The following CCSER1 variants were observed in gnomAD, a reference collection of about 807,000 sequenced individuals.
The protein encoded by CCSER1 is serine-rich coiled-coil domain-containing protein 1.
In CCSER1, 41 loss-of-function variants were observed where a neutral mutation model predicts 82.0. The observed-to-expected ratio is 0.50, with a 90% CI of 0.39 to 0.65. The LOEUF (loss-of-function observed/expected upper bound fraction) is 0.65, where lower values mean the gene tolerates loss of function less well. CCSER1 is among the 30% of genes least tolerant of loss of function. The pLI is 0.00. For synonymous variants in CCSER1, 414 were observed against 383.9 expected, an observed-to-expected ratio of 1.08 and a Z score of -0.92; for missense variants, 1,119 against 1,064.2, an observed-to-expected ratio of 1.05 and a Z score of -0.72.
At chr4:90,795,024 T>TCA (rs1755794817) in intron 7 of CCSER1, among the ~76,000 whole-genome samples, 1 of 152,064 alleles carries the variant, frequency 6.6e-6, no homozygotes, top group East Asian at 1.9e-4. Flanking sequence ...GTGCGGTGGC[T>TCA]CACACCTGTA....
chr4:91,259,051 A>G (rs182084793), intron 10 of CCSER1, among the ~76,000 whole-genome samples: 2 of 152,288 alleles, frequency 1.3e-5, no homozygotes, highest in African/African-American at 4.8e-5. Flanking sequence ...TGTACACTGT[A>G]GGAAAGAGAT....
chr4:91,166,510 G>T (rs554497212), intron 10 of CCSER1, among the ~76,000 whole-genome samples: 2 of 152,114 alleles, frequency 1.3e-5, no homozygotes, highest in Non-Finnish European at 2.9e-5. Context: ...TAATGACACC[G>T]TCTAAGCATC....
At chr4:90,729,684 G>A (rs1428628151) in intron 7 of CCSER1, among the ~76,000 whole-genome samples, 1 of 151,992 alleles carries the variant, frequency 6.6e-6, no homozygotes, top group Non-Finnish European at 1.5e-5. Context: ...GACCATTCTG[G>A]CTAACAGGGT....
chr4:91,347,664 T>G (rs1019781449), intron 10 of CCSER1, among the ~76,000 whole-genome samples: 1 of 152,170 alleles, frequency 6.6e-6, no homozygotes, highest in South Asian at 2.1e-4. Flanking sequence ...TATTGTAGTT[T>G]TTCTCATACA....
At chr4:90,742,375 C>T (rs75217696) in intron 7 of CCSER1, among the ~76,000 whole-genome samples, 8,109 of 152,204 alleles carry the variant, frequency 0.053, 284 homozygotes, top group Non-Finnish European at 0.082. Flanking sequence ...TCTGAAAATT[C>T]ACCTTGAGAT....
intron 10 of CCSER1, among the ~76,000 whole-genome samples, chr4:91,233,954 A>G (rs752689784): frequency 2.0e-5 from 3 of 151,964 alleles, no homozygotes; most frequent in Non-Finnish European, 2.9e-5. Flanking sequence ...TGGGTTTATC[A>G]TTTACTTCTG....
At chr4:91,065,526 G>A (rs1354918295) in intron 9 of CCSER1, among the ~76,000 whole-genome samples, 1 of 152,036 alleles carries the variant, frequency 6.6e-6, no homozygotes, top group African/African-American at 2.4e-5. Context: ...AATCCCATTG[G>A]ATATTAAGCA....
intron 5 of CCSER1, among the ~76,000 whole-genome samples, chr4:90,500,949 A>G (rs1474123011): frequency 6.6e-6 from 1 of 152,062 alleles, no homozygotes; most frequent in Non-Finnish European, 1.5e-5. Flanking sequence ...AAACAAACAA[A>G]AAATAAGATT....
At chr4:90,357,262 T>C (rs1475271490) in intron 3 of CCSER1, among the ~76,000 whole-genome samples, 1 of 151,934 alleles carries the variant, frequency 6.6e-6, no homozygotes, top group South Asian at 2.1e-4. Context: ...AGGCCACTTA[T>C]CAAAGGAACT....
chr4:90,469,524 A>ACAC lies in CCSER1; in HGVS notation c.1724+1170_1724+1171insCAC, dbSNP rs1764070832. 2.7e-3 allele frequency among the ~76,000 whole-genome samples: 362 copies of ACAC among 136,426 alleles called. 1 individual carries two copies. Among genetic ancestry groups the ACAC allele is most frequent in the African/African-American group, 9.5e-3 (348 of 36,694 alleles). 89.5% of individuals were successfully genotyped at this position (136,426 alleles called of 152,430 possible). ...AAAGCTCAAATGTGTTTTCCTGCAA[A>ACAC]ACACACACACACACACACACACACA... is the stretch of plus-strand genomic sequence containing the variant. On this transcript the variant is annotated intron_variant, in intron 5 of 10. Transcript: ENST00000509176.
intron 5 of CCSER1, among the ~76,000 whole-genome samples, chr4:90,558,174 G>C (rs1348655074): frequency 1.3e-5 from 2 of 152,146 alleles, no homozygotes; most frequent in African/African-American, 4.8e-5. Flanking sequence ...CAGCAATTCA[G>C]AGTAGTTGCT....
At chr4:90,657,891 G>C (rs1365911176) in intron 6 of CCSER1, among the ~76,000 whole-genome samples, 2 of 152,132 alleles carry the variant, frequency 1.3e-5, no homozygotes, top group Non-Finnish European at 2.9e-5. Context: ...ATTGCTTGAG[G>C]CCAGAAGTTC....
intron 1 of CCSER1, among the ~76,000 whole-genome samples, chr4:90,290,682 T>TC (rs1730766953): frequency 6.6e-6 from 1 of 151,986 alleles, no homozygotes; most frequent in Non-Finnish European, 1.5e-5. Context: ...TGCATTTTTT[T>TC]CCCTTGTGGA....
chr4:90,393,141 T>C (rs546217182), intron 3 of CCSER1, among the ~76,000 whole-genome samples: 5 of 152,210 alleles, frequency 3.3e-5, no homozygotes, highest in Non-Finnish European at 1.5e-5. Flanking sequence ...TTTTGCAATT[T>C]ATAATTTATC....
chr4:91,528,434 T>C (rs566756061), intron 10 of CCSER1, among the ~76,000 whole-genome samples: 3 of 152,264 alleles, frequency 2.0e-5, no homozygotes, highest in Admixed American at 6.5e-5. Context: ...AAACAGCATG[T>C]TATTTAAAAA....
At chr4:91,256,487 C>G (rs112207592) in intron 10 of CCSER1, among the ~76,000 whole-genome samples, 2,814 of 152,232 alleles carry the variant, frequency 0.018, 88 homozygotes, top group African/African-American at 0.062. Context: ...CTTTGAAAAT[C>G]GCTAATAAAA....
At chr4:90,907,532 A>G (rs1725682511) in intron 8 of CCSER1, among the ~76,000 whole-genome samples, 1 of 152,118 alleles carries the variant, frequency 6.6e-6, no homozygotes, top group Admixed American at 6.6e-5. Flanking sequence ...AATTGGATGA[A>G]TCACCTCATT....
chr4:91,593,622 T>C (rs1764379071), intron 10 of CCSER1, among the ~76,000 whole-genome samples: 2 of 152,018 alleles, frequency 1.3e-5, no homozygotes, highest in South Asian at 4.1e-4. Flanking sequence ...CCCATGCTTT[T>C]TTCTTAAGTA....
intron 5 of CCSER1, among the ~76,000 whole-genome samples, chr4:90,504,144 A>AT (rs1185926412): frequency 1.1e-4 from 16 of 151,874 alleles, no homozygotes; most frequent in Admixed American, 2.0e-4. Flanking sequence ...CAATTGGCCA[A>AT]TTTTTTTTCA....
Sources: allele counts gnomAD v4.1 joint callset (sites outside exome capture counted in the v4.1 genomes callset), GRCh38; gene constraint gnomAD v4.1.1; transcripts MANE v1.5; gene names NCBI Gene and HGNC (gene_info 2026-07-23, HGNC 2026-07-21).